The following DIAPH1 variants were observed in gnomAD, a reference collection of about 807,000 sequenced individuals.
DIAPH1 encodes the protein protein diaphanous homolog 1.
Under a neutral mutation model 140.7 loss-of-function variants are expected in DIAPH1, and 46 were observed. That is an observed-to-expected ratio of 0.33 (90% CI 0.26 to 0.42). The LOEUF (loss-of-function observed/expected upper bound fraction) is 0.42, where lower values mean the gene tolerates loss of function less well. DIAPH1 is among the 10% of genes least tolerant of loss of function. DIAPH1 has a pLI of 1.00. For synonymous variants in DIAPH1, 565 were observed against 551.6 expected, an observed-to-expected ratio of 1.02 and a Z score of -0.34; for missense variants, 1,310 against 1,558.7, an observed-to-expected ratio of 0.84 and a Z score of 2.69.
intron 7 of DIAPH1, 67 bp from the exon 8 acceptor site, chr5:141,580,950 C>CG (rs1456119719): frequency 3.7e-6 from 6 of 1,603,982 alleles, no homozygotes; most frequent in Admixed American, 3.4e-5. Flanking sequence ...GACAAGTTTA[C>CG]GGGTTGTTAT....
chr5:141,566,092 G>A (rs1447747887), intron 18 of DIAPH1, among the ~76,000 whole-genome samples: 1 of 151,892 alleles, frequency 6.6e-6, no homozygotes, highest in Non-Finnish European at 1.5e-5. Flanking sequence ...ATCAGAAAGT[G>A]AAGGACAGTG....
At chr5:141,519,079 A>C in intron 27 of DIAPH1, 1 of 1,275,186 alleles carries the variant, frequency 7.8e-7, no homozygotes, top group Non-Finnish European at 1.1e-6. Flanking sequence ...TATGTGCCCG[A>C]GACTGTGGGA....
chr5:141,567,044 C>G (rs904507037), intron 18 of DIAPH1, among the ~76,000 whole-genome samples: 7 of 152,080 alleles, frequency 4.6e-5, no homozygotes, highest in Admixed American at 4.6e-4. Flanking sequence ...GTACAGTGGA[C>G]CAGTTTCAGG....
At chr5:141,532,502 G>A (rs777575950) in intron 19 of DIAPH1, among the ~76,000 whole-genome samples, 1 of 152,090 alleles carries the variant, frequency 6.6e-6, no homozygotes, top group Non-Finnish European at 1.5e-5. Context: ...CTCAGTTTAA[G>A]TAGTACCTCC....
intron 26 of DIAPH1, among the ~76,000 whole-genome samples, 185 bp downstream of exon 26, chr5:141,525,853 G>GC (rs1384107304): frequency 1.3e-5 from 2 of 152,146 alleles, no homozygotes; most frequent in East Asian, 3.8e-4. Flanking sequence ...TTTAACCAGG[G>GC]CAAGTTGGAA....
intron 8 of DIAPH1, among the ~76,000 whole-genome samples, chr5:141,580,202 G>A (rs1483959960): frequency 2.0e-5 from 3 of 152,146 alleles, no homozygotes; most frequent in African/African-American, 7.2e-5. Context: ...TATGCAGTTA[G>A]TTTTATAGGC....
At chr5:141,522,396 G>A (rs753221460) in intron 27 of DIAPH1, among the ~76,000 whole-genome samples, 14 of 152,172 alleles carry the variant, frequency 9.2e-5, no homozygotes, top group East Asian at 3.9e-4. Context: ...TCCTCCACCT[G>A]TGAGTTCTGA....
chr5:141,582,393 A>C lies in DIAPH1; in HGVS notation c.621-18T>G. ...CGTAACTCCTGTATATAGAAGACATAATCAGTGAGGTCCCTTTATTCTCTA... is the reference window on the plus strand; with the variant it reads ...CGTAACTCCTGTATATAGAAGACATCATCAGTGAGGTCCCTTTATTCTCTA... On this transcript the variant is annotated intron_variant, in intron 6 of 27. Transcript: ENST00000389054. The C allele has an allele frequency of 6.3e-7, 1 of 1,586,482 alleles. No individual in the cohort carries two copies. The highest frequency in any genetic ancestry group is 1.1e-5 in the South Asian group (1 of 90,528).
intron 18 of DIAPH1, among the ~76,000 whole-genome samples, chr5:141,546,519 GA>G (rs967752978): frequency 2.7e-5 from 4 of 149,902 alleles, no homozygotes; most frequent in Non-Finnish European, 4.5e-5. Context: ...AGTCGGGCAT[GA>G]TGGCAGGTGC....
rs150404181 is a variant in DIAPH1 at position 141,531,654 on chromosome 5, A to G, written c.2582-1957T>C. Among the ~76,000 whole-genome samples the G allele has an allele frequency of 3.7e-3, 560 of 151,634 alleles. 5 individuals carry two copies. The highest frequency in any genetic ancestry group is 0.011 in the Admixed American group (163 of 15,216). On this transcript the variant is annotated intron_variant, in intron 19 of 27. Transcript: ENST00000389054. ...AGGCGTGCTCCACCATGCCCAGCTA[A>G]TTTTTCTATTTTTAGTAGAGACAGC...
At chr5:141,537,483 CAAAAAAAA>C (rs34323841) in intron 18 of DIAPH1, among the ~76,000 whole-genome samples, 1 of 36,970 alleles carries the variant, frequency 2.7e-5, no homozygotes, top group African/African-American at 1.4e-4. Context: ...AACTCCGTCT[CAAAAAAAA>C]AAAAAAAAAA....
chr5:141,570,880 G>A (rs1423488150), intron 18 of DIAPH1, among the ~76,000 whole-genome samples: 1 of 151,942 alleles, frequency 6.6e-6, no homozygotes, highest in Non-Finnish European at 1.5e-5. Flanking sequence ...GAAAGAAGAG[G>A]GCAAAGTAGA....
chr5:141,563,586 C>T (rs755660465), intron 18 of DIAPH1: 11 of 152,126 alleles, frequency 7.2e-5, no homozygotes, highest in Non-Finnish European at 1.6e-4. Flanking sequence ...ACTGACCCCC[C>T]AACTAGATGG....
At chr5:141,539,418 G>GTTTTTTTTTTTTGTTT (rs57490035) in intron 18 of DIAPH1, among the ~76,000 whole-genome samples, 2 of 132,554 alleles carry the variant, frequency 1.5e-5, no homozygotes, top group African/African-American at 2.7e-5. Flanking sequence ...GGGTAGTTTT[G>GTTTTTTTTTTTTGTTT]TTTTTTTTTT....
chr5:141,576,079 C>T, intron 14 of DIAPH1, 151 bp downstream of exon 14: 3 of 674,096 alleles, frequency 4.5e-6, no homozygotes, highest in South Asian at 1.7e-5. Flanking sequence ...AATGACTACC[C>T]TATACTGGAA....
rs146516403 is a variant in DIAPH1 at position 141,545,999 on chromosome 5, A to G, written c.2483-11566T>C. On this transcript the variant is annotated intron_variant, in intron 18 of 27. Coordinates refer to ENST00000389054, the MANE Select transcript of DIAPH1 (RefSeq NM_005219.5). ...AAACTAAATTCTAGATACATTAAAA[A>G]TCTAACTATAAAAAACAGAAATATA... Among the ~76,000 whole-genome samples, 342 of 152,342 alleles carry G rather than the reference A, an allele frequency of 2.2e-3. 2 individuals are homozygous for G. Among genetic ancestry groups the G allele is most frequent in the African/African-American group, 7.7e-3 (321 of 41,572 alleles).
chr5:141,539,392 T>C (rs1235895345), intron 18 of DIAPH1, among the ~76,000 whole-genome samples: 3 of 151,582 alleles, frequency 2.0e-5, no homozygotes, highest in African/African-American at 4.8e-5. Flanking sequence ...TGAAGATATC[T>C]GGGCCTTTTC....
At chr5:141,545,539 G>T (rs562525761) in intron 18 of DIAPH1, among the ~76,000 whole-genome samples, 1 of 152,242 alleles carries the variant, frequency 6.6e-6, no homozygotes, top group East Asian at 1.9e-4. Flanking sequence ...AGCTGCTTAG[G>T]AAGCTGAGGT....
Position 141,534,389 on chromosome 5 carries a change from T to G in DIAPH1, c.2527A>C (p.Lys843Gln), listed in dbSNP as rs1274410924. Reference sequence around the variant, plus strand: ...ACCTTTAACTCTTTTACTTTTTTCTTTTGCACAGATTTCTTTTCTTCTCCA... The same window carrying G: ...ACCTTTAACTCTTTTACTTTTTTCTGTTGCACAGATTTCTTTTCTTCTCCA... ...EGGEEKKSVQKKKVKELKVLD... is the reference protein window; with the variant it reads ...EGGEEKKSVQQKKVKELKVLD... The change falls in exon 19 of 28, where the codon AAG becomes CAG. Residue 843 changes from lysine to glutamine, a missense_variant. Coordinates refer to ENST00000389054, the MANE Select transcript of DIAPH1 (RefSeq NM_005219.5). 6.2e-7 allele frequency: 1 copy of G among 1,613,960 alleles called. No homozygotes were observed. The highest frequency in any genetic ancestry group is 8.5e-7 in the Non-Finnish European group (1 of 1,180,030).
Sources: allele counts gnomAD v4.1 joint callset (sites outside exome capture counted in the v4.1 genomes callset), GRCh38; gene constraint gnomAD v4.1.1; transcripts MANE v1.5; gene names NCBI Gene and HGNC (gene_info 2026-07-23, HGNC 2026-07-21).